MKKS: variants seen among roughly 807,000 people sequenced by gnomAD.
MKKS encodes molecular chaperone MKKS.
In MKKS, 29 loss-of-function variants were observed where a neutral mutation model predicts 33.2. That is an observed-to-expected ratio of 0.87 (90% CI 0.65 to 1.19). The LOEUF is 1.19. Among genes scored for constraint, MKKS ranks in the 50% most tolerant of loss-of-function variants. The probability of loss-of-function intolerance (pLI) is 0.00; values close to 1 mark genes in which losing one functional copy is unlikely to be tolerated. For synonymous variants in MKKS, 260 were observed against 244.0 expected, an observed-to-expected ratio of 1.07 and a Z score of -0.61; for missense variants, 661 against 662.3, an observed-to-expected ratio of 1.00 and a Z score of 0.02.
chr20:10,407,439 A>C (rs2064850937), intron 5 of MKKS, among the ~76,000 whole-genome samples, 177 bp downstream of exon 5: 1 of 152,198 alleles, frequency 6.6e-6, no homozygotes, highest in South Asian at 2.1e-4. Context: ...TAGACTACTG[A>C]AAAATTCAGT....
intron 2 of MKKS, among the ~76,000 whole-genome samples, chr20:10,414,207 T>C (rs1490881707): frequency 7.9e-5 from 12 of 151,790 alleles, no homozygotes; most frequent in Admixed American, 7.9e-4. Flanking sequence ...TATTTGAATA[T>C]GGCATGCTTC....
At chr20:10,420,181 AAAAG>A (rs1307870909) in intron 2 of MKKS, among the ~76,000 whole-genome samples, 1 of 152,220 alleles carries the variant, frequency 6.6e-6, no homozygotes, top group Non-Finnish European at 1.5e-5. Flanking sequence ...TGTTAAAAAA[AAAAG>A]AACACTAATA....
At chr20:10,416,659 G>T (rs1294186216) in intron 2 of MKKS, among the ~76,000 whole-genome samples, 1 of 152,188 alleles carries the variant, frequency 6.6e-6, no homozygotes, top group Non-Finnish European at 1.5e-5. Context: ...AATGCATTTT[G>T]GGGTAACTGA....
intron 3 of MKKS, among the ~76,000 whole-genome samples, chr20:10,412,230 T>C (rs2122233117): frequency 6.6e-6 from 1 of 152,326 alleles, no homozygotes; most frequent in African/African-American, 2.4e-5. Context: ...TTGTGTAAAG[T>C]ATGAAAGACC....
At chr20:10,415,886 AGTG>A (rs1277518086) in intron 2 of MKKS, among the ~76,000 whole-genome samples, 1 of 152,064 alleles carries the variant, frequency 6.6e-6, no homozygotes, top group Non-Finnish European at 1.5e-5. Flanking sequence ...AATCACTGAA[AGTG>A]GTAGTGACTC....
In MKKS at chr20:10,408,776, G is replaced by A; in HGVS notation, c.1013C>T (p.Ser338Leu). Residue 338 changes from serine to leucine, a missense_variant, in exon 4 of 6, where the codon TCA (serine) becomes TTA (leucine). By Grantham distance (145) the Ser-to-Leu change is moderately radical. Transcript: ENST00000347364. Reference sequence around the variant, plus strand: ...ACTTCCATAACTATTAGGACATATTGAGCCTAGGGATCCAATAGGCTGTGT... The same window carrying A: ...ACTTCCATAACTATTAGGACATATTAAGCCTAGGGATCCAATAGGCTGTGT... Reference protein sequence around the residue: ...TGTQPIGSLGSICPNSYGSVK... With the variant: ...TGTQPIGSLGLICPNSYGSVK... 7 of 1,613,642 alleles carry A rather than the reference G, an allele frequency of 4.3e-6. No homozygotes were observed. Among genetic ancestry groups the A allele is most frequent in the East Asian group, 2.2e-5 (1 of 44,858 alleles).
At position 10,412,903 on chromosome 20, in the gene MKKS, T is replaced by G; in HGVS notation, c.612A>C (p.Leu204Phe). 6.2e-7 allele frequency: 1 copy of G among 1,613,778 alleles called. No individual in the cohort carries two copies. Among genetic ancestry groups the G allele is most frequent in the Non-Finnish European group, 8.5e-7 (1 of 1,179,850 alleles). Residue 204 changes from leucine to phenylalanine, a missense_variant, in exon 3 of 6, where the codon TTA (leucine) becomes TTC (phenylalanine). Coordinates refer to ENST00000347364, the MANE Select transcript of MKKS (RefSeq NM_170784.3). ...TGGAATCTATAACTCTTTGACCTTT[T>G]AAAGGTACAATTAAACTCTTTCCTA... is the stretch of plus-strand genomic sequence containing the variant. Reference protein sequence around the residue: ...IILGKSLIVPLKGQRVIDSTV... With the variant: ...IILGKSLIVPFKGQRVIDSTV...
chr20:10,411,619 T>C (rs1163796659), intron 3 of MKKS, among the ~76,000 whole-genome samples: 2 of 152,206 alleles, frequency 1.3e-5, no homozygotes. Context: ...AACCCAGAGA[T>C]ATTATGTATT....
In MKKS at chr20:10,413,574, T is replaced by C. The variant is rs1463862922; in HGVS notation, c.-60A>G. 2 of 1,544,188 alleles carry C rather than the reference T, an allele frequency of 1.3e-6. No homozygotes were observed. Among genetic ancestry groups the C allele is most frequent in the East Asian group, 2.2e-5 (1 of 44,528 alleles). ...TATTTTGTAAACCACATTTTTCTAT[T>C]TATTGCATTATCACGTTTTAACATT... On this transcript the variant is annotated 5_prime_UTR_variant, in exon 3 of 6. It removes the in-frame stop codon of an upstream open reading frame in the 5' UTR. Transcript: ENST00000347364.
chr20:10,406,500 T>C (rs975887110), intron 5 of MKKS, among the ~76,000 whole-genome samples: 5 of 152,200 alleles, frequency 3.3e-5, no homozygotes, highest in Admixed American at 6.5e-5. Flanking sequence ...CTAGGAGCAA[T>C]AGGCTATACC....
chr20:10,418,803 C>T (rs1312763034), intron 2 of MKKS, among the ~76,000 whole-genome samples: 3 of 152,058 alleles, frequency 2.0e-5, no homozygotes, highest in Non-Finnish European at 4.4e-5. Context: ...GTACAATATA[C>T]ATACATAATA....
Position 10,426,824 on chromosome 20 carries a change from A to G in MKKS, c.-648-6066T>C, listed in dbSNP as rs561843590. ...AAAAACAAAAAAATTAGAGGGCAAA[A>G]GAGTCTATATCCTCCAAAAACACAT... On this transcript the variant is annotated intron_variant, in intron 1 of 5. Coordinates refer to ENST00000347364, the MANE Select transcript of MKKS (RefSeq NM_170784.3). Among the ~76,000 whole-genome samples, 3 of 152,330 alleles carry G rather than the reference A, an allele frequency of 2.0e-5. No homozygotes were observed. The South Asian group carries it at 6.2e-4, about 32-fold the overall frequency.
In MKKS at chr20:10,405,725, C is replaced by T. The variant is rs775429553; in HGVS notation, c.1273-38G>A. 5.4e-6 allele frequency: 8 copies of T among 1,490,534 alleles called. 1 individual carries two copies. The Admixed American group carries it at 1.0e-4, about 19-fold the overall frequency. 92.3% of individuals were successfully genotyped at this position (1,490,534 alleles called of 1,614,324 possible). A position where few individuals can be genotyped will look rare whatever the true frequency, so the allele number is the denominator to read the frequency against. Reference sequence around the variant, plus strand: ...AAAAACATTGAAAACACATACAAAGCAATTAATATAAAATGTTTCAGAAAA... The same window carrying T: ...AAAAACATTGAAAACACATACAAAGTAATTAATATAAAATGTTTCAGAAAA... On this transcript the variant is annotated intron_variant, in intron 5 of 5. Coordinates refer to ENST00000347364, the MANE Select transcript of MKKS (RefSeq NM_170784.3).
chr20:10,402,058 A>T lies in MKKS; in HGVS notation c.*3189T>A, dbSNP rs1168951511. The T allele has an allele frequency of 6.6e-6, 1 of 152,088 alleles. No individual in the cohort carries two copies. The highest frequency in any genetic ancestry group is 1.5e-5 in the Non-Finnish European group (1 of 68,018). The allele number at this position is 152,088 out of a possible 1,614,324, so 9.4% of individuals were successfully genotyped here. A position where few individuals can be genotyped will look rare whatever the true frequency, so the allele number is the denominator to read the frequency against. On this transcript the variant is annotated 3_prime_UTR_variant, in exon 6 of 6. Transcript: ENST00000347364. ...ATTAATAAGATGATAATCCTGTTGG[A>T]CTCCTATGGTTGAATAACGTTTAAT... is the stretch of plus-strand genomic sequence containing the variant.
In MKKS at chr20:10,422,357, T is replaced by C. The variant is rs2064986578; in HGVS notation, c.-648-1599A>G. 3.3e-5 allele frequency among the ~76,000 whole-genome samples: 5 copies of C among 152,224 alleles called. No individual in the cohort carries two copies. The South Asian group carries it at 1.0e-3, about 31-fold the overall frequency. On this transcript the variant is annotated intron_variant, in intron 1 of 5. Coordinates refer to ENST00000347364, the MANE Select transcript of MKKS (RefSeq NM_170784.3). Reference sequence around the variant, plus strand: ...AACCTTTAGAGAATACACCTTTTATTGACATGCTTATGTTCCATTTTTAGA... The same window carrying C: ...AACCTTTAGAGAATACACCTTTTATCGACATGCTTATGTTCCATTTTTAGA...
intron 3 of MKKS, among the ~76,000 whole-genome samples, chr20:10,411,349 G>A (rs1191914549): frequency 2.6e-5 from 4 of 152,034 alleles, no homozygotes; most frequent in African/African-American, 9.7e-5. Flanking sequence ...CTTGGCTCAA[G>A]TAATCCTCCT....
At chr20:10,421,340 C>A (rs2064979073) in intron 1 of MKKS, among the ~76,000 whole-genome samples, 1 of 149,750 alleles carries the variant, frequency 6.7e-6, no homozygotes, top group Non-Finnish European at 1.5e-5. Context: ...AGGAGACTTG[C>A]TTGAACTTGG....
In MKKS at chr20:10,407,688, T is replaced by G; in HGVS notation, c.1200A>C (p.Thr400=). The G allele has an allele frequency of 1.2e-6, 2 of 1,614,010 alleles. No homozygotes were observed. The highest frequency in any genetic ancestry group is 2.2e-5 in the South Asian group (2 of 91,072). Residue 400 remains threonine, a synonymous_variant, in exon 5 of 6, where the codon ACA becomes ACC. Transcript: ENST00000347364. ...CQTALHVLQL[T]LKEPWALLGG... ...CCAACAAAGCCCATGGTTCCTTGAG[T>G]GTTAACTGCAGGACATGCAGTGCCG...
At chr20:10,419,870 A>G (rs1460175468) in intron 2 of MKKS, among the ~76,000 whole-genome samples, 1 of 152,222 alleles carries the variant, frequency 6.6e-6, no homozygotes, top group Admixed American at 6.5e-5. Context: ...TTTCTATTTA[A>G]TATTTTCAGA....
Sources: gnomAD v4.1 joint callset for allele counts (sites outside exome capture counted in the v4.1 genomes callset) on GRCh38, gnomAD v4.1.1 for gene constraint, MANE v1.5 for transcripts, NCBI Gene and HGNC (gene_info 2026-07-23, HGNC 2026-07-21) for gene names.